The following RCOR1 variants were observed in gnomAD, a reference collection of about 807,000 sequenced individuals.
RCOR1 encodes REST corepressor 1.
In RCOR1, 12 loss-of-function variants were observed where a neutral mutation model predicts 64.0. That is an observed-to-expected ratio of 0.19 (90% CI 0.12 to 0.30). The LOEUF is 0.30. Ranked by LOEUF, RCOR1 falls within the 10% of genes least tolerant of loss-of-function variation. The pLI, the probability that RCOR1 is intolerant of heterozygous loss-of-function variation, is 1.00. For missense variants in RCOR1, 502 were observed against 621.2 expected (o/e 0.81, Z 2.04); for synonymous variants, 279 against 227.2 (o/e 1.23, Z -2.05).
chr14:102,600,377 T>A (rs1893365381), intron 2 of RCOR1, among the ~76,000 whole-genome samples: 1 of 151,322 alleles, frequency 6.6e-6, no homozygotes, highest in African/African-American at 2.4e-5. Context: ...GCCCAGCCAG[T>A]GATTGATTGA....
At position 102,726,558 on chromosome 14, in the gene RCOR1, T is replaced by C; in HGVS notation, c.*52T>C. 1 of 1,484,936 alleles carries C rather than the reference T, an allele frequency of 6.7e-7. No homozygotes were observed. Among genetic ancestry groups the C allele is most frequent in the Non-Finnish European group, 9.2e-7 (1 of 1,081,160 alleles). 92.0% of individuals were successfully genotyped at this position (1,484,936 alleles called of 1,614,324 possible). On this transcript the variant is annotated 3_prime_UTR_variant, in exon 12 of 12. Transcript: ENST00000262241. ...GTGGACTACTGTGTTATCCGGGATATCAGGTATTATGAGACATCACCTAGC... is the reference window on the plus strand; with the variant it reads ...GTGGACTACTGTGTTATCCGGGATACCAGGTATTATGAGACATCACCTAGC...
chr14:102,705,639 C>G (rs182879343), intron 4 of RCOR1, among the ~76,000 whole-genome samples: 3 of 152,060 alleles, frequency 2.0e-5, no homozygotes, highest in African/African-American at 7.2e-5. Context: ...GTTTGTTTTT[C>G]GTAGATTCAT....
At chr14:102,688,519 G>C (rs557705260) in intron 3 of RCOR1, among the ~76,000 whole-genome samples, 9 of 152,146 alleles carry the variant, frequency 5.9e-5, no homozygotes, top group Non-Finnish European at 8.8e-5. Flanking sequence ...TGGTAGTAAG[G>C]TGTTGATGCA....
In RCOR1 at chr14:102,707,311, T is replaced by A. The variant is rs773519804; in HGVS notation, c.499-40T>A. The A allele has an allele frequency of 2.0e-6, 3 of 1,530,504 alleles. No individual in the cohort carries two copies. In the South Asian group the frequency reaches 3.7e-5, roughly 19 times the overall value. 94.8% of individuals were successfully genotyped at this position (1,530,504 alleles called of 1,614,324 possible). On this transcript the variant is annotated intron_variant, in intron 4 of 11. Coordinates refer to ENST00000262241, the MANE Select transcript of RCOR1 (RefSeq NM_015156.4). The stretch of plus-strand genomic sequence containing the variant: ...TGGTCTCATTTCCATTTTCATTGTT[T>A]TTTGTTTGATCTAAAATTTTACTGA...
intron 2 of RCOR1, among the ~76,000 whole-genome samples, chr14:102,603,462 T>TTA (rs1378259092): frequency 6.6e-6 from 1 of 152,076 alleles, no homozygotes; most frequent in African/African-American, 2.4e-5. Context: ...GTAGCTGGGT[T>TTA]TATAGGCTCT....
chr14:102,633,440 C>G (rs1233151922), intron 2 of RCOR1, among the ~76,000 whole-genome samples: 3 of 152,120 alleles, frequency 2.0e-5, no homozygotes, highest in Non-Finnish European at 2.9e-5. Context: ...CTGATTGTCC[C>G]TCCTTGGCCT....
Position 102,701,341 on chromosome 14 carries a change from G to T in RCOR1, c.498+11G>T. The T allele has an allele frequency of 1.3e-6, 2 of 1,561,270 alleles. No homozygotes were observed. Among genetic ancestry groups the T allele is most frequent in the East Asian group, 2.3e-5 (1 of 42,858 alleles). On this transcript the variant is annotated intron_variant, in intron 4 of 11. Coordinates refer to ENST00000262241, the MANE Select transcript of RCOR1 (RefSeq NM_015156.4). ...TACAACATGGAACAGGTAATATCAT[G>T]GTTTTCTTTCTTTTGCTGTTAAAAA...
At position 102,639,893 on chromosome 14, in the gene RCOR1, C is replaced by T. The variant is rs1894331537; in HGVS notation, c.362-42002C>T. Among the ~76,000 whole-genome samples the T allele has an allele frequency of 2.0e-5, 3 of 151,706 alleles. No individual in the cohort carries two copies. The South Asian group carries it at 6.2e-4, about 31-fold the overall frequency. On this transcript the variant is annotated intron_variant, in intron 2 of 11. Coordinates refer to ENST00000262241, the MANE Select transcript of RCOR1 (RefSeq NM_015156.4). ...GACGGAGTCTCGCTCTGTCCCCAGGCTGGAGTGCAATGGCATGACCTCGGC... is the reference window on the plus strand; with the variant it reads ...GACGGAGTCTCGCTCTGTCCCCAGGTTGGAGTGCAATGGCATGACCTCGGC...
chr14:102,633,855 A>G (rs1159755006), intron 2 of RCOR1, among the ~76,000 whole-genome samples: 1 of 152,168 alleles, frequency 6.6e-6, no homozygotes, highest in Non-Finnish European at 1.5e-5. Context: ...TTTGTTCTTA[A>G]CAGAATATCA....
chr14:102,696,104 A>T (rs1372942709), intron 3 of RCOR1, among the ~76,000 whole-genome samples: 2 of 152,084 alleles, frequency 1.3e-5, no homozygotes, highest in Non-Finnish European at 2.9e-5. Flanking sequence ...CATTATTATC[A>T]TCTGATGACT....
At chr14:102,725,806 A>C (rs12100593) in intron 11 of RCOR1, among the ~76,000 whole-genome samples, 4,577 of 151,978 alleles carry the variant, frequency 0.03, 239 homozygotes, top group African/African-American at 0.1. Context: ...CCTGACATCA[A>C]GTGATCCACC....
intron 2 of RCOR1, among the ~76,000 whole-genome samples, chr14:102,619,437 ATCTG>A (rs146550948): frequency 1.3e-4 from 19 of 142,018 alleles, no homozygotes; most frequent in South Asian, 2.2e-4. Flanking sequence ...CTATCTATCT[ATCTG>A]TCTGTCTGTC....
rs1245140943 is a variant in RCOR1 at position 102,677,212 on chromosome 14, AC to A, written c.362-4676del. Among the ~76,000 whole-genome samples, 387 of 70,968 alleles carry A rather than the reference AC, an allele frequency of 5.5e-3. 9 individuals are homozygous for A. Among genetic ancestry groups the A allele is most frequent in the African/African-American group, 0.02 (352 of 17,292 alleles). 46.6% of individuals were successfully genotyped at this position (70,968 alleles called of 152,430 possible). Reference sequence around the variant, plus strand: ...GGGCGGCTGGCCGGGCAGGGGGCTGACCCCCCCTCCCCCCTCCCGGACGGGG... The same window carrying A: ...GGGCGGCTGGCCGGGCAGGGGGCTGACCCCCCTCCCCCCTCCCGGACGGGG... On this transcript the variant is annotated intron_variant, in intron 2 of 11. Transcript: ENST00000262241.
At chr14:102,721,163 C>A (rs1030218360) in intron 9 of RCOR1, 79 bp downstream of exon 9, 4 of 1,026,598 alleles carry the variant, frequency 3.9e-6, no homozygotes, top group South Asian at 1.4e-5. Flanking sequence ...TGTGATACAT[C>A]CCCAGTATAC....
chr14:102,621,154 T>G (rs1318691108), intron 2 of RCOR1, among the ~76,000 whole-genome samples: 1 of 152,148 alleles, frequency 6.6e-6, no homozygotes, highest in South Asian at 2.1e-4. Flanking sequence ...GAATTTTTTG[T>G]AGAGACAGGA....
At chr14:102,594,439 C>T (rs1171211849) in intron 2 of RCOR1, among the ~76,000 whole-genome samples, 2 of 152,222 alleles carry the variant, frequency 1.3e-5, no homozygotes, top group African/African-American at 2.4e-5. Flanking sequence ...AAGGCGATTG[C>T]TCTCAAGCTG....
At position 102,622,113 on chromosome 14, in the gene RCOR1, A is replaced by G. The variant is rs989320482; in HGVS notation, c.361+28788A>G. Among the ~76,000 whole-genome samples the G allele has an allele frequency of 5.3e-5, 8 of 152,212 alleles. No individual in the cohort carries two copies. In the South Asian group the frequency reaches 1.7e-3, roughly 32 times the overall value. Reference sequence around the variant, plus strand: ...ACAACATTAGAAACAGTGGAAAATCATCTGGGACTTGGGCAGGTAGAAACT... The same window carrying G: ...ACAACATTAGAAACAGTGGAAAATCGTCTGGGACTTGGGCAGGTAGAAACT... On this transcript the variant is annotated intron_variant, in intron 2 of 11. Coordinates refer to ENST00000262241, the MANE Select transcript of RCOR1 (RefSeq NM_015156.4).
At chr14:102,726,381 T>C in intron 11 of RCOR1, 87 bp from the exon 12 acceptor site, 1 of 1,255,870 alleles carries the variant, frequency 8.0e-7, no homozygotes, top group Non-Finnish European at 1.1e-6. Context: ...GCTGGCTACC[T>C]TCTCTTTTCA....
At chr14:102,683,730 T>TA (rs1368808176) in intron 3 of RCOR1, among the ~76,000 whole-genome samples, 3 of 152,214 alleles carry the variant, frequency 2.0e-5, no homozygotes, top group Non-Finnish European at 2.9e-5. Flanking sequence ...CGGCCACGCT[T>TA]AGGGAGATGT....
Sources: gnomAD v4.1 joint callset for allele counts (sites outside exome capture counted in the v4.1 genomes callset) on GRCh38, gnomAD v4.1.1 for gene constraint, MANE v1.5 for transcripts, NCBI Gene and HGNC (gene_info 2026-07-23, HGNC 2026-07-21) for gene names.